The following CCDC149 variants were observed in gnomAD, a reference collection of about 807,000 sequenced individuals.
CCDC149 encodes the protein coiled-coil domain-containing protein 149.
In CCDC149, 45 loss-of-function variants were observed where a neutral mutation model predicts 59.9. The observed-to-expected ratio is 0.75, with a 90% CI of 0.59 to 0.96. The LOEUF (loss-of-function observed/expected upper bound fraction) is 0.96, where lower values mean the gene tolerates loss of function less well. CCDC149 is among the 40% of genes least tolerant of loss of function. CCDC149 has a pLI of 0.00. For missense variants in CCDC149, 584 were observed against 664.7 expected (o/e 0.88, Z 1.33); for synonymous variants, 245 against 260.6 (o/e 0.94, Z 0.58).
chr4:24,850,331 T>C (rs2109176724), intron 4 of CCDC149, among the ~76,000 whole-genome samples: 1 of 152,328 alleles, frequency 6.6e-6, no homozygotes, highest in East Asian at 1.9e-4. Flanking sequence ...CCCTTGGGGC[T>C]GTCGGTGCCA....
At chr4:24,927,634 T>C (rs1276146450) in intron 1 of CCDC149, among the ~76,000 whole-genome samples, 1 of 152,190 alleles carries the variant, frequency 6.6e-6, no homozygotes, top group Admixed American at 6.5e-5. Flanking sequence ...TCCCGTATAA[T>C]GATGTAGTTT....
intron 1 of CCDC149, among the ~76,000 whole-genome samples, chr4:24,925,032 T>A (rs945766938): frequency 6.6e-6 from 1 of 152,206 alleles, no homozygotes; most frequent in African/African-American, 2.4e-5. Flanking sequence ...CTCAACTACA[T>A]CTTGTCCAAG....
chr4:24,963,768 A>C (rs185040276), intron 1 of CCDC149, among the ~76,000 whole-genome samples: 1 of 152,380 alleles, frequency 6.6e-6, no homozygotes, highest in East Asian at 1.9e-4. Context: ...TTATCTGGCA[A>C]AGATTTTAAG....
intron 4 of CCDC149, among the ~76,000 whole-genome samples, chr4:24,850,947 G>T: frequency 6.6e-6 from 1 of 152,100 alleles, no homozygotes; most frequent in East Asian, 1.9e-4. Flanking sequence ...AATCTCTGGG[G>T]CTTACTGCAG....
Position 24,806,355 on chromosome 4 carries a change from T to G in CCDC149, c.*2034A>C, listed in dbSNP as rs1305281900. On this transcript the variant is annotated 3_prime_UTR_variant, in exon 13 of 13. Transcript: ENST00000635206. ...CTGCTCCCTGCCCTGCACCCTAGAT[T>G]CTCTGGGACTCACTGCAGTTTTCCT... The G allele has an allele frequency of 1.3e-5, 2 of 152,352 alleles. No homozygotes were observed. The highest frequency in any genetic ancestry group is 4.8e-5 in the African/African-American group (2 of 41,416). 9.4% of individuals were successfully genotyped at this position (152,352 alleles called of 1,614,324 possible).
intron 3 of CCDC149, among the ~76,000 whole-genome samples, chr4:24,858,712 T>C (rs800477): frequency 0.9 from 136,348 of 152,228 alleles, 61,213 homozygotes; most frequent in African/African-American, 0.95. Context: ...AAGCCAGCCC[T>C]GGGTGTGGGA....
At chr4:24,819,244 A>G (rs1715203662) in intron 12 of CCDC149, among the ~76,000 whole-genome samples, 1 of 152,240 alleles carries the variant, frequency 6.6e-6, no homozygotes, top group South Asian at 2.1e-4. Context: ...CTGAGGCTGA[A>G]GTCTCCAGCC....
intron 1 of CCDC149, among the ~76,000 whole-genome samples, chr4:24,898,520 G>A (rs142779235): frequency 5.3e-5 from 8 of 152,146 alleles, no homozygotes; most frequent in Non-Finnish European, 8.8e-5. Flanking sequence ...GACTAGAAGT[G>A]GGGCACACCA....
At chr4:24,832,088 T>C (rs917654804) in intron 8 of CCDC149, among the ~76,000 whole-genome samples, 1 of 152,190 alleles carries the variant, frequency 6.6e-6, no homozygotes, top group Admixed American at 6.5e-5. Context: ...TTGCTTTACG[T>C]CAGTTTCCCA....
At chr4:24,916,918 C>A (rs1722138490), upstream of CCDC149, among the ~76,000 whole-genome samples, 1 of 151,918 alleles carries the variant, frequency 6.6e-6, no homozygotes, top group Admixed American at 6.6e-5. Context: ...TAAACTACTT[C>A]ATTTGCTCTT....
chr4:24,824,901 C>T (rs549679138), intron 9 of CCDC149, among the ~76,000 whole-genome samples: 45 of 152,282 alleles, frequency 3.0e-4, no homozygotes, highest in African/African-American at 8.2e-4. Context: ...TGGATGTGCC[C>T]GCAGTTGCTT....
chr4:24,957,075 A>T (rs1297890929), intron 1 of CCDC149, among the ~76,000 whole-genome samples: 3 of 152,252 alleles, frequency 2.0e-5, no homozygotes, highest in Non-Finnish European at 4.4e-5. Context: ...GAATAAAGCC[A>T]TGAAATCTAT....
At chr4:24,805,294 C>T (rs1714095067), downstream of CCDC149, among the ~76,000 whole-genome samples, 1 of 152,124 alleles carries the variant, frequency 6.6e-6, no homozygotes, top group South Asian at 2.1e-4. Flanking sequence ...TCTGAACAGG[C>T]AAACAAAGGT....
intron 1 of CCDC149, among the ~76,000 whole-genome samples, chr4:24,890,527 T>G (rs1720467124): frequency 6.6e-6 from 1 of 152,186 alleles, no homozygotes; most frequent in South Asian, 2.1e-4. Flanking sequence ...GACACCAATC[T>G]TATTATCACA....
intron 3 of CCDC149, among the ~76,000 whole-genome samples, chr4:24,855,330 C>T (rs755051343): frequency 8.5e-5 from 13 of 152,080 alleles, no homozygotes; most frequent in Middle Eastern, 3.2e-3. Context: ...TTCGGGAGGC[C>T]GACACGGGTG....
At chr4:24,863,189 A>T (rs1484039604) in intron 3 of CCDC149, among the ~76,000 whole-genome samples, 1 of 152,132 alleles carries the variant, frequency 6.6e-6, no homozygotes, top group Non-Finnish European at 1.5e-5. Context: ...GCTACTCAGG[A>T]GGCTGAGGCA....
At chr4:24,883,090 C>A (rs1363254103) in intron 1 of CCDC149, among the ~76,000 whole-genome samples, 1 of 152,196 alleles carries the variant, frequency 6.6e-6, no homozygotes, top group African/African-American at 2.4e-5. Context: ...ACGGATAACC[C>A]AAGTGACCTG....
intron 1 of CCDC149, among the ~76,000 whole-genome samples, chr4:24,962,572 T>C (rs1295415800): frequency 6.6e-6 from 1 of 152,234 alleles, no homozygotes; most frequent in African/African-American, 2.4e-5. Context: ...GATGAGTTCA[T>C]GTCCTTTGTA....
At chr4:24,904,089 C>A (rs919446400) in intron 1 of CCDC149, among the ~76,000 whole-genome samples, 2 of 152,194 alleles carry the variant, frequency 1.3e-5, no homozygotes, top group Non-Finnish European at 2.9e-5. Context: ...CGTGAGCCAC[C>A]GTGCCTAGCC....
Sources: allele counts gnomAD v4.1 joint callset (sites outside exome capture counted in the v4.1 genomes callset), GRCh38; gene constraint gnomAD v4.1.1; transcripts MANE v1.5; gene names NCBI Gene and HGNC (gene_info 2026-07-23, HGNC 2026-07-21).